Variants in ABCA3 observed in about 807,000 individuals in gnomAD.
The protein encoded by ABCA3 is ATP binding cassette subfamily A member 3, also known as phospholipid-transporting ATPase ABCA3.
A neutral mutation model predicts 172.8 loss-of-function variants in ABCA3; 88 were observed. The ratio of observed to expected loss-of-function variants is 0.51; its 90% CI spans 0.43 to 0.61. ABCA3 has a LOEUF of 0.61. ABCA3 is among the 20% of genes least tolerant of loss of function. The probability of loss-of-function intolerance (pLI) is 0.00; values close to 1 mark genes in which losing one functional copy is unlikely to be tolerated. For synonymous variants in ABCA3, 1,066 were observed against 983.8 expected (o/e 1.08, Z -1.56); for missense variants, 2,164 against 2,301.0 (o/e 0.94, Z 1.22).
chr16:2,308,341 T>G, intron 11 of ABCA3, 109 bp downstream of exon 11: 1 of 1,386,370 alleles, frequency 7.2e-7, no homozygotes, highest in Non-Finnish European at 1.0e-6. Context: ...TGGTCCCAAC[T>G]GCCTGCCAAC....
intron 1 of ABCA3, among the ~76,000 whole-genome samples, chr16:2,331,412 T>TG (rs1567356803): frequency 6.6e-6 from 1 of 152,202 alleles, no homozygotes; most frequent in Non-Finnish European, 1.5e-5. Flanking sequence ...TTGGCTAGGC[T>TG]GGTCTCAAAC....
At chr16:2,327,201 A>C (rs910076221) in intron 3 of ABCA3, among the ~76,000 whole-genome samples, 1 of 151,740 alleles carries the variant, frequency 6.6e-6, no homozygotes, top group Non-Finnish European at 1.5e-5. Context: ...TGCAGCCTCA[A>C]CCTCCTGGGC....
intron 10 of ABCA3, among the ~76,000 whole-genome samples, chr16:2,313,669 C>T (rs2093710225): frequency 6.7e-6 from 1 of 150,344 alleles, no homozygotes; most frequent in Non-Finnish European, 1.5e-5. Context: ...CTCTGGGAGA[C>T]GGAGGTGGGA....
chr16:2,317,406 G>C lies in ABCA3; in HGVS notation c.991-3C>G. The C allele has an allele frequency of 6.2e-7, 1 of 1,613,630 alleles. No individual in the cohort carries two copies. The highest frequency in any genetic ancestry group is 8.5e-7 in the Non-Finnish European group (1 of 1,179,998). ...AGCACGGCTACATTTGGCTTCACCT[G>C]CAGGGCACAGGCATGAGTCGGGCGT... On this transcript the variant is annotated splice_region_variant and splice_polypyrimidine_tract_variant and intron_variant, in intron 9 of 32. Transcript: ENST00000301732.
intron 12 of ABCA3, among the ~76,000 whole-genome samples, chr16:2,302,969 G>A (rs930842719): frequency 1.4e-5 from 2 of 140,270 alleles, no homozygotes. Context: ...TTTTTTTTTT[G>A]TATTTCTTTA....
At chr16:2,282,136 T>C (rs1675986319) in intron 26 of ABCA3, among the ~76,000 whole-genome samples, 2 of 152,184 alleles carry the variant, frequency 1.3e-5, no homozygotes, top group South Asian at 2.1e-4. Context: ...GGTCTTGCTC[T>C]GTCACCCAGG....
intron 17 of ABCA3, among the ~76,000 whole-genome samples, chr16:2,296,775 C>T (rs1229054202): frequency 6.6e-6 from 1 of 152,244 alleles, no homozygotes; most frequent in Non-Finnish European, 1.5e-5. Context: ...TGGGTTGCCA[C>T]TCAGTCACTA....
intron 9 of ABCA3, 101 bp downstream of exon 9, chr16:2,317,547 C>T: frequency 6.3e-7 from 1 of 1,582,218 alleles, no homozygotes; most frequent in Non-Finnish European, 8.7e-7. Context: ...GGGACAGACT[C>T]TCTCTGAAGT....
rs2141692637 is a variant in ABCA3 at position 2,283,104 on chromosome 16, G to A, written c.4035+82C>T. The A allele has an allele frequency of 4.8e-6, 7 of 1,446,088 alleles. No individual in the cohort carries two copies. The South Asian group carries it at 7.3e-5, about 15-fold the overall frequency. The allele number at this position is 1,446,088 out of a possible 1,614,324, so 89.6% of individuals were successfully genotyped here. Reference sequence around the variant, plus strand: ...GGAGCTGCCTGGTGGAGAAGGAGGTGGAGCTGCCCCAGGTTGTGCTGGGCC... The same window carrying A: ...GGAGCTGCCTGGTGGAGAAGGAGGTAGAGCTGCCCCAGGTTGTGCTGGGCC... On this transcript the variant is annotated intron_variant, in intron 26 of 32. Coordinates refer to ENST00000301732, the MANE Select transcript of ABCA3 (RefSeq NM_001089.3). This position sits in a 1 kb window ranked among gnomAD's most constrained non-coding sequence, Gnocchi z 5.4.
At chr16:2,317,863 A>G (rs2093718953) in intron 8 of ABCA3, 99 bp from the exon 9 acceptor site, 10 of 1,080,274 alleles carry the variant, frequency 9.3e-6, no homozygotes, top group Non-Finnish European at 1.4e-5. Context: ...CGACTGTCCC[A>G]GCAGCCCTGC....
At chr16:2,305,455 C>G (rs1159886894) in intron 11 of ABCA3, among the ~76,000 whole-genome samples, 1 of 152,134 alleles carries the variant, frequency 6.6e-6, no homozygotes, top group African/African-American at 2.4e-5. Context: ...CGCCACCATG[C>G]CCAGCTGATT....
rs1396248761 is a variant in ABCA3 at position 2,303,952 on chromosome 16, A to G, written c.1467+17T>C. ...CTCAGAGAGGCGGCGGCTCAAGAGC[A>G]GGGCATCAGAACTCACCATGATGAA... is the stretch of plus-strand genomic sequence containing the variant. On this transcript the variant is annotated intron_variant, in intron 12 of 32. Transcript: ENST00000301732. 2 of 1,613,890 alleles carry G rather than the reference A, an allele frequency of 1.2e-6. No individual in the cohort carries two copies. Among genetic ancestry groups the G allele is most frequent in the African/African-American group, 2.7e-5 (2 of 74,910 alleles).
chr16:2,335,973 C>T (rs2093751086), intron 1 of ABCA3, among the ~76,000 whole-genome samples: 1 of 152,106 alleles, frequency 6.6e-6, no homozygotes, highest in Non-Finnish European at 1.5e-5. Context: ...AATCCGGAGA[C>T]ATTTTTTCGT....
intron 8 of ABCA3, 112 bp from the exon 9 acceptor site, chr16:2,317,876 T>G: frequency 2.1e-6 from 2 of 939,960 alleles, no homozygotes; most frequent in Non-Finnish European, 3.4e-6. Context: ...AGCCCTGCAT[T>G]CGACAGGGTC....
intron 14 of ABCA3, 82 bp from the exon 15 acceptor site, chr16:2,298,622 CT>C: frequency 6.5e-7 from 1 of 1,530,916 alleles, no homozygotes; most frequent in Non-Finnish European, 8.8e-7. Context: ...CACCCCCTCT[CT>C]GTCTCCCCTA....
intron 3 of ABCA3, 24 bp from the exon 4 acceptor site, chr16:2,326,516 A>T: frequency 3.2e-6 from 5 of 1,582,976 alleles, no homozygotes; most frequent in Non-Finnish European, 4.3e-6. Flanking sequence ...AAAGACAGAG[A>T]GTGTGGGTGC....
intron 11 of ABCA3, among the ~76,000 whole-genome samples, chr16:2,306,689 C>T (rs323032): frequency 0.23 from 34,563 of 151,982 alleles, 4,241 homozygotes; most frequent in Non-Finnish European, 0.27. Flanking sequence ...GGCCAAAGGC[C>T]GACCAAGGAA....
intron 3 of ABCA3, 33 bp from the exon 4 acceptor site, chr16:2,326,525 G>T: frequency 6.4e-7 from 1 of 1,572,028 alleles, no homozygotes. Context: ...GAGTGTGGGT[G>T]CGCAATAGAA....
At position 2,326,221 on chromosome 16, in the gene ABCA3, A is replaced by G. The variant is rs749303576; in HGVS notation, c.108T>C (p.Ser36=). 1 of 1,614,030 alleles carries G rather than the reference A, an allele frequency of 6.2e-7. No individual in the cohort carries two copies. Among genetic ancestry groups the G allele is most frequent in the Non-Finnish European group, 8.5e-7 (1 of 1,180,044 alleles). ...TCAAGCGGAGCCAGATGAGGATCCC[A>G]GAAAACAGCAATGGCAGGAAGAGTT... ...VLELFLPLLF[S]GILIWLRLKI... Residue 36 remains serine, a synonymous_variant, in exon 5 of 33, where the codon TCT becomes TCC. Transcript: ENST00000301732.
Sources: gnomAD v4.1 joint callset for allele counts (sites outside exome capture counted in the v4.1 genomes callset) on GRCh38, gnomAD v4.1.1 for gene constraint, Gnocchi (gnomAD v3.1) non-coding constraint, MANE v1.5 for transcripts, NCBI Gene and HGNC (gene_info 2026-07-23, HGNC 2026-07-21) for gene names.